CACNG8: variants seen among roughly 807,000 people sequenced by gnomAD.
The protein encoded by CACNG8 is calcium voltage-gated channel auxiliary subunit gamma 8.
A neutral mutation model predicts 26.9 loss-of-function variants in CACNG8; 5 were observed. That is an observed-to-expected ratio of 0.19 (90% CI 0.10 to 0.39). The LOEUF is 0.39. Ranked by LOEUF, CACNG8 falls within the 10% of genes least tolerant of loss-of-function variation. The pLI is 1.00. For synonymous variants in CACNG8, 321 were observed against 296.7 expected (o/e 1.08, Z -0.84); for missense variants, 473 against 609.4 (o/e 0.78, Z 2.36).
intron 1 of CACNG8, among the ~76,000 whole-genome samples, chr19:53,966,988 G>A (rs1010229031): frequency 2.0e-5 from 3 of 152,092 alleles, no homozygotes; most frequent in Admixed American, 6.6e-5. Context: ...AGCCAGGGGC[G>A]TCTCCAAAGC....
intron 1 of CACNG8, among the ~76,000 whole-genome samples, chr19:53,974,581 C>T (rs2145937190): frequency 6.6e-6 from 1 of 152,192 alleles, no homozygotes; most frequent in Non-Finnish European, 1.5e-5. Flanking sequence ...CAACAGTGCA[C>T]AAGGTTCCAA....
chr19:53,974,720 C>T (rs1233432454), intron 1 of CACNG8, among the ~76,000 whole-genome samples: 2 of 152,048 alleles, frequency 1.3e-5, no homozygotes, highest in African/African-American at 2.4e-5. Context: ...TGGCTCACTG[C>T]AACCTCCACC....
In CACNG8 at chr19:53,987,072, A is replaced by G. The variant is rs2069412323; in HGVS notation, c.*4223A>G. ...GCCATGATCATATTTTTATTTTCTT[A>G]TTTATATTTATTTTGAAAAAGAGTC... On this transcript the variant is annotated 3_prime_UTR_variant, in exon 4 of 4. Transcript: ENST00000270458. The G allele has an allele frequency of 6.6e-6, 1 of 151,960 alleles. No homozygotes were observed. The highest frequency in any genetic ancestry group is 1.5e-5 in the Non-Finnish European group (1 of 67,974). The allele number at this position is 151,960 out of a possible 1,614,324, so 9.4% of individuals were successfully genotyped here.
At chr19:53,980,066 G>C in intron 3 of CACNG8, 59 bp downstream of exon 3, 1 of 1,360,898 alleles carries the variant, frequency 7.3e-7, no homozygotes, top group Non-Finnish European at 9.7e-7. Flanking sequence ...ACGTGTGTGT[G>C]TGTGTGTGTG....
rs2069376917 is a variant in CACNG8, at chr19:53,982,530, C to CGGGGCTGGCG, written c.965_974dup (p.Gly329ArgfsTer171). 4 of 1,269,174 alleles carry CGGGGCTGGCG rather than the reference C, an allele frequency of 3.2e-6. No individual in the cohort carries two copies. Among genetic ancestry groups the CGGGGCTGGCG allele is most frequent in the Non-Finnish European group, 3.0e-6 (3 of 1,011,504 alleles). The allele number at this position is 1,269,174 out of a possible 1,614,324, so 78.6% of individuals were successfully genotyped here. A position where few individuals can be genotyped will look rare whatever the true frequency, so the allele number is the denominator to read the frequency against. On this transcript the variant is annotated frameshift_variant, in exon 4 of 4. Coordinates refer to ENST00000270458, the MANE Select transcript of CACNG8 (RefSeq NM_031895.6). LOFTEE classifies it high-confidence loss of function. This position sits in a 1 kb window ranked among gnomAD's most constrained non-coding sequence, Gnocchi z 8.4. ...GACCCCTCCAAGGGCAGCGTGGCCGCGGGGCTGGCGGGGGCCGGCGGCGGC... is the reference window on the plus strand; with the variant it reads ...GACCCCTCCAAGGGCAGCGTGGCCGCGGGGCTGGCGGGGGCTGGCGGGGGCCGGCGGCGGC...
intron 2 of CACNG8, among the ~76,000 whole-genome samples, chr19:53,979,627 C>A (rs563368000): frequency 1.3e-5 from 2 of 150,420 alleles, no homozygotes; most frequent in African/African-American, 4.9e-5. Context: ...AAAAATAGTC[C>A]GAAGAAAAAA....
chr19:53,964,360 C>G (rs764355601), intron 1 of CACNG8, among the ~76,000 whole-genome samples: 1 of 152,032 alleles, frequency 6.6e-6, no homozygotes, highest in East Asian at 1.9e-4. Context: ...CTCTTTTCTG[C>G]CTTGTGCTTC....
chr19:53,973,384 G>T (rs1379246361), intron 1 of CACNG8, among the ~76,000 whole-genome samples: 1 of 151,990 alleles, frequency 6.6e-6, no homozygotes, highest in East Asian at 1.9e-4. Flanking sequence ...TTAGCCAGGG[G>T]TGGTGGCAGG....
intron 1 of CACNG8, 72 bp from the exon 2 acceptor site, chr19:53,978,074 G>C (rs1358760600): frequency 9.6e-7 from 1 of 1,041,086 alleles, no homozygotes; most frequent in Non-Finnish European, 1.5e-6. Flanking sequence ...GGAAGGGTCG[G>C]TTGTCAGTGG....
At chr19:53,972,689 C>A (rs2069309912) in intron 1 of CACNG8, among the ~76,000 whole-genome samples, 1 of 152,084 alleles carries the variant, frequency 6.6e-6, no homozygotes, top group South Asian at 2.1e-4. Context: ...ACTGAAATTT[C>A]ACTGAAGCCC....
intron 3 of CACNG8, among the ~76,000 whole-genome samples, chr19:53,980,230 C>G (rs984853336): frequency 6.8e-6 from 1 of 147,200 alleles, no homozygotes; most frequent in African/African-American, 2.5e-5. Flanking sequence ...GTTCTCGCGT[C>G]GCCTTCGGAG....
intron 1 of CACNG8, among the ~76,000 whole-genome samples, chr19:53,968,353 C>T (rs184225572): frequency 9.2e-4 from 138 of 149,580 alleles, no homozygotes; most frequent in South Asian, 1.7e-3. Flanking sequence ...CCAGTCTGGG[C>T]GACAGGGCAA....
At position 53,978,236 on chromosome 19, in the gene CACNG8, G is replaced by C. The variant is rs1319526261; in HGVS notation, c.367+7G>C. 6.2e-7 allele frequency: 1 copy of C among 1,609,788 alleles called. No individual in the cohort carries two copies. Among genetic ancestry groups the C allele is most frequent in the South Asian group, 1.1e-5 (1 of 90,696 alleles). ...AGCGCGGAGTATCTACTCCGTACGT[G>C]GGGGTCCGGGACAGACGTGGGGAGT... On this transcript the variant is annotated splice_region_variant and intron_variant, in intron 2 of 3. Transcript: ENST00000270458.
intron 3 of CACNG8, 53 bp downstream of exon 3, chr19:53,980,060 G>A (rs1371723772): frequency 1.7e-6 from 1 of 598,612 alleles, no homozygotes; most frequent in East Asian, 4.6e-5. Flanking sequence ...GCGCGCACGT[G>A]TGTGTGTGTG....
Position 53,982,738 on chromosome 19 carries a change from C to G in CACNG8, c.1167C>G (p.Ala389=), listed in dbSNP as rs1164969956. ...CGGTCACGGTCACCGGGCCGCCCGC[C>G]CCGCCCGCGCCCGCGCCACCCGCGC... Residue 389 remains alanine, a synonymous_variant, in exon 4 of 4, where the codon GCC becomes GCG. Coordinates refer to ENST00000270458, the MANE Select transcript of CACNG8 (RefSeq NM_031895.6). This position sits in a 1 kb window ranked among gnomAD's most constrained non-coding sequence, Gnocchi z 8.4. 1 of 1,194,334 alleles carries G rather than the reference C, an allele frequency of 8.4e-7. No homozygotes were observed. The highest frequency in any genetic ancestry group is 3.4e-4 in the Middle Eastern group (1 of 2,946). 74.0% of individuals were successfully genotyped at this position (1,194,334 alleles called of 1,614,324 possible).
chr19:53,979,930 T>G lies in CACNG8; in HGVS notation c.431T>G (p.Val144Gly). Reference sequence around the variant, plus strand: ...GCCATCCTGCTGCTGCTCGGGGGTGTGTGCGTGGCGGCCTCCCGCGTCTAC... The same window carrying G: ...GCCATCCTGCTGCTGCTCGGGGGTGGGTGCGTGGCGGCCTCCCGCGTCTAC... Residue 144 changes from valine (V) to glycine (G), a missense_variant, in exon 3 of 4, where the codon GTG becomes GGG. Physicochemically the swap from Val to Gly is moderately radical, Grantham distance 109. This residue lies in a region of CACNG8 where 155 missense variants were observed against 253.0 expected (regional missense o/e 0.61). Coordinates refer to ENST00000270458, the MANE Select transcript of CACNG8 (RefSeq NM_031895.6). 1 of 1,613,250 alleles carries G rather than the reference T, an allele frequency of 6.2e-7. No individual in the cohort carries two copies. The highest frequency in any genetic ancestry group is 8.5e-7 in the Non-Finnish European group (1 of 1,179,594).
chr19:53,974,049 A>G (rs544960175), intron 1 of CACNG8, among the ~76,000 whole-genome samples: 73 of 152,342 alleles, frequency 4.8e-4, no homozygotes, highest in Non-Finnish European at 8.1e-4. Flanking sequence ...GGTAAGTGCA[A>G]CCAATTTCCA....
intron 3 of CACNG8, among the ~76,000 whole-genome samples, chr19:53,980,254 C>T (rs1050402474): frequency 6.6e-6 from 1 of 151,998 alleles, no homozygotes; most frequent in Non-Finnish European, 1.5e-5. Context: ...TAAACCGACA[C>T]AGGCAGGTGT....
intron 1 of CACNG8, among the ~76,000 whole-genome samples, chr19:53,973,050 A>G (rs1329221969): frequency 6.6e-6 from 1 of 152,118 alleles, no homozygotes; most frequent in African/African-American, 2.4e-5. Context: ...CAAGTTATTA[A>G]CCACCTGTCA....
Sources: allele counts gnomAD v4.1 joint callset (sites outside exome capture counted in the v4.1 genomes callset), GRCh38; gene constraint gnomAD v4.1.1; regional missense constraint gnomAD v4.1.1; non-coding constraint Gnocchi (gnomAD v3.1); transcripts MANE v1.5; gene names NCBI Gene and HGNC (gene_info 2026-07-23, HGNC 2026-07-21).